Variants in KHDRBS1 observed in about 807,000 individuals in gnomAD.
KHDRBS1 encodes the protein KH domain-containing, RNA-binding, signal transduction-associated protein 1.
KHDRBS1 carries 7 observed loss-of-function variants against 48.4 expected under a neutral mutation model. That is an observed-to-expected ratio of 0.14 (90% CI 0.08 to 0.27). KHDRBS1 has a LOEUF of 0.27. KHDRBS1 is among the 10% of genes least tolerant of loss of function. KHDRBS1 has a pLI of 1.00. For synonymous variants in KHDRBS1, 241 were observed against 235.8 expected (o/e 1.02, Z -0.20); for missense variants, 458 against 601.2 (o/e 0.76, Z 2.49).
chr1:32,036,644 G>T (rs1034043307), intron 4 of KHDRBS1, among the ~76,000 whole-genome samples: 7 of 152,112 alleles, frequency 4.6e-5, no homozygotes, highest in Non-Finnish European at 1.0e-4. Flanking sequence ...AGTCTGGCTT[G>T]TGAGTAGGTT....
At chr1:32,045,544 A>G (rs2124394486), downstream of KHDRBS1, among the ~76,000 whole-genome samples, 1 of 152,334 alleles carries the variant, frequency 6.6e-6, no homozygotes, top group African/African-American at 2.4e-5. Flanking sequence ...TTACATGTCC[A>G]TACTGAATTT....
Position 32,039,589 on chromosome 1 carries a change from T to TGTGGTGGGGCAGAATGTACAAGTAA in KHDRBS1, c.1234+20_1234+44dup. On this transcript the variant is annotated intron_variant, in intron 8 of 8. Transcript: ENST00000327300. ...GAAGCTTATGGTATGTCTTTATCTC[T>TGTGGTGGGGCAGAATGTACAAGTAA]GTGGTGGGGCAGAATGTACAAGTAA... The TGTGGTGGGGCAGAATGTACAAGTAA allele has an allele frequency of 1.5e-6, 2 of 1,340,574 alleles. No individual in the cohort carries two copies. Among genetic ancestry groups the TGTGGTGGGGCAGAATGTACAAGTAA allele is most frequent in the Non-Finnish European group, 2.1e-6 (2 of 930,426 alleles). The allele number at this position is 1,340,574 out of a possible 1,614,324, so 83.0% of individuals were successfully genotyped here. A position where few individuals can be genotyped will look rare whatever the true frequency, so the allele number is the denominator to read the frequency against.
Position 32,039,664 on chromosome 1 carries a change from A to T in KHDRBS1, c.1234+91A>T. The T allele has an allele frequency of 1.6e-5, 12 of 772,250 alleles. 1 individual carries two copies. Among genetic ancestry groups the T allele is most frequent in the South Asian group, 1.4e-4 (10 of 70,508 alleles). The allele number at this position is 772,250 out of a possible 1,614,324, so 47.8% of individuals were successfully genotyped here. A position where few individuals can be genotyped will look rare whatever the true frequency, so the allele number is the denominator to read the frequency against. ...AAAGTATTGAGAGTCAGACAAACAC[A>T]CCTACGGATAAACCTTTAGAAGGCC... On this transcript the variant is annotated intron_variant, in intron 8 of 8. Coordinates refer to ENST00000327300, the MANE Select transcript of KHDRBS1 (RefSeq NM_006559.3).
chr1:32,017,765 G>A lies in KHDRBS1; in HGVS notation c.382+3388G>A, dbSNP rs576733334. ...TGGGATTATAGGCATGTGCCACCAC[G>A]CCCGGCTAATTTCGTATTTTTAGTA... On this transcript the variant is annotated intron_variant, in intron 1 of 8. Coordinates refer to ENST00000327300, the MANE Select transcript of KHDRBS1 (RefSeq NM_006559.3). 5.9e-5 allele frequency among the ~76,000 whole-genome samples: 9 copies of A among 151,848 alleles called. No individual in the cohort carries two copies. The East Asian group carries it at 7.8e-4, about 13-fold the overall frequency.
At chr1:32,019,984 C>T (rs897527407) in intron 1 of KHDRBS1, among the ~76,000 whole-genome samples, 2 of 152,054 alleles carry the variant, frequency 1.3e-5, no homozygotes, top group Non-Finnish European at 1.5e-5. Context: ...GTTGGCCAGG[C>T]TGGTCTCAAA....
chr1:32,039,711 G>A, intron 8 of KHDRBS1, 138 bp downstream of exon 8: 11 of 652,318 alleles, frequency 1.7e-5, no homozygotes, highest in South Asian at 1.4e-4. Context: ...AGATGTGACA[G>A]TAAGAGTTCT....
chr1:32,026,828 C>T (rs1381063328), intron 1 of KHDRBS1, among the ~76,000 whole-genome samples: 1 of 152,026 alleles, frequency 6.6e-6, no homozygotes, highest in South Asian at 2.1e-4. Flanking sequence ...GGAGTCTTGC[C>T]CTATCGCCCA....
intron 1 of KHDRBS1, among the ~76,000 whole-genome samples, chr1:32,017,540 G>A (rs567137017): frequency 2.1e-4 from 30 of 145,352 alleles, no homozygotes; most frequent in Admixed American, 9.0e-4. Context: ...ACCTTATTGT[G>A]TTAATATATT....
At position 32,014,248 on chromosome 1, in the gene KHDRBS1, C is replaced by T. The variant is rs1206677727; in HGVS notation, c.253C>T (p.Pro85Ser). Residue 85 changes from proline (P) to serine (S), a missense_variant, in exon 1 of 9, where the codon CCG becomes TCG. Transcript: ENST00000327300. ...GACAGTGGGCGGGCCAGCGCCGACC[C>T]CGCTGCTGCCCCCCTCGGCCACAGC... ...DATVGGPAPT[P>S]LLPPSATASV... 3.9e-6 allele frequency: 6 copies of T among 1,534,656 alleles called. No homozygotes were observed. The highest frequency in any genetic ancestry group is 8.8e-7 in the Non-Finnish European group (1 of 1,139,266).
chr1:32,027,772 TTTC>T (rs1233360077), intron 1 of KHDRBS1, among the ~76,000 whole-genome samples: 7 of 152,180 alleles, frequency 4.6e-5, no homozygotes, highest in Non-Finnish European at 8.8e-5. Flanking sequence ...CAAAGTTATT[TTTC>T]TTCGTCTATA....
chr1:32,052,537 A>G (rs1484919644), intron 10 of KHDRBS1: 2 of 151,972 alleles, frequency 1.3e-5, no homozygotes, highest in African/African-American at 4.8e-5. Flanking sequence ...AGCTGGGACT[A>G]CAGGCGCCCG....
At chr1:32,040,780 T>C (rs1185759075) in intron 8 of KHDRBS1, among the ~76,000 whole-genome samples, 3 of 152,198 alleles carry the variant, frequency 2.0e-5, no homozygotes, top group East Asian at 3.8e-4. Context: ...CAGTTCACGC[T>C]AAGATACTGG....
In KHDRBS1 at chr1:32,033,210, G is replaced by A. The variant is rs1180143049; in HGVS notation, c.647G>A (p.Gly216Glu). Reference protein sequence around the residue: ...KAKEEELRKGGDPKYAHLNMD... With the variant: ...KAKEEELRKGEDPKYAHLNMD... ...TAGGAGGAAGAGCTGCGCAAAGGTG[G>A]AGACCCCAAATATGCCCACTTGAAT... Residue 216 changes from glycine to glutamate, a missense_variant, in exon 4 of 9, where the codon GGA (glycine) becomes GAA (glutamate). By Grantham distance (98) the Gly-to-Glu change is moderately conservative (BLOSUM62 -2). This residue lies in a region of KHDRBS1 where 74 missense variants were observed against 156.9 expected (regional missense o/e 0.47). Transcript: ENST00000327300. 1 of 1,613,966 alleles carries A rather than the reference G, an allele frequency of 6.2e-7. No homozygotes were observed. The highest frequency in any genetic ancestry group is 8.5e-7 in the Non-Finnish European group (1 of 1,179,898).
At chr1:32,038,091 A>C in intron 6 of KHDRBS1, 55 bp downstream of exon 6, 2 of 1,602,040 alleles carry the variant, frequency 1.2e-6, no homozygotes, top group South Asian at 2.2e-5. Flanking sequence ...TGCTAAAGGA[A>C]GTTGAATGAC....
chr1:32,030,293 T>A lies in KHDRBS1; in HGVS notation c.383-5T>A, dbSNP rs778671145. 1.6e-5 allele frequency: 26 copies of A among 1,601,168 alleles called. No individual in the cohort carries two copies. The highest frequency in any genetic ancestry group is 2.2e-5 in the Non-Finnish European group (26 of 1,175,740). On this transcript the variant is annotated splice_polypyrimidine_tract_variant and splice_region_variant and intron_variant, in intron 1 of 8. Coordinates refer to ENST00000327300, the MANE Select transcript of KHDRBS1 (RefSeq NM_006559.3). ...GGGCAAAAATAAATTGTTTTTCCTA[T>A]TCAGAAATTGAGAAGATTCAGAAAG...
At chr1:32,026,350 G>T (rs1638970629) in intron 1 of KHDRBS1, among the ~76,000 whole-genome samples, 1 of 152,014 alleles carries the variant, frequency 6.6e-6, no homozygotes, top group Admixed American at 6.6e-5. Flanking sequence ...TAGAGAAGGG[G>T]TCTCACTATG....
rs970721336 is a variant in KHDRBS1 at position 32,037,726 on chromosome 1, A to C, written c.906-109A>C. 7 of 1,145,554 alleles carry C rather than the reference A, an allele frequency of 6.1e-6. No homozygotes were observed. In the East Asian group the frequency reaches 7.1e-5, roughly 12 times the overall value. The allele number at this position is 1,145,554 out of a possible 1,614,324, so 71.0% of individuals were successfully genotyped here. A position where few individuals can be genotyped will look rare whatever the true frequency, so the allele number is the denominator to read the frequency against. The stretch of plus-strand genomic sequence containing the variant: ...TTCCTCTGTGCTTTAATAATAGCCT[A>C]GTTAAGGCTTCATAAAATCTGCCTA... On this transcript the variant is annotated intron_variant, in intron 5 of 8. Coordinates refer to ENST00000327300, the MANE Select transcript of KHDRBS1 (RefSeq NM_006559.3).
intron 1 of KHDRBS1, among the ~76,000 whole-genome samples, chr1:32,015,985 C>G (rs187133906): frequency 6.6e-6 from 1 of 152,176 alleles, no homozygotes; most frequent in Admixed American, 6.5e-5. Flanking sequence ...TGGAGACCAG[C>G]CTGATCAACA....
chr1:32,036,245 C>A lies in KHDRBS1; in HGVS notation c.772-665C>A, dbSNP rs147555736. The stretch of plus-strand genomic sequence containing the variant: ...GGACTGCAGTGGCGCTATCTTGGCT[C>A]ACTGCAAGCTCCGCCTCCCGGGTTC... On this transcript the variant is annotated intron_variant, in intron 4 of 8. Transcript: ENST00000327300. Among the ~76,000 whole-genome samples, 38 of 140,382 alleles carry A rather than the reference C, an allele frequency of 2.7e-4. No homozygotes were observed. In the East Asian group the frequency reaches 7.7e-3, roughly 29 times the overall value. 92.1% of individuals were successfully genotyped at this position (140,382 alleles called of 152,430 possible). A position where few individuals can be genotyped will look rare whatever the true frequency, so the allele number is the denominator to read the frequency against.
Sources: allele counts gnomAD v4.1 joint callset (sites outside exome capture counted in the v4.1 genomes callset), GRCh38; gene constraint gnomAD v4.1.1; regional missense constraint gnomAD v4.1.1; transcripts MANE v1.5; gene names NCBI Gene and HGNC (gene_info 2026-07-23, HGNC 2026-07-21).